The following NDST1 variants were observed in gnomAD, a reference collection of about 807,000 sequenced individuals.
The protein encoded by NDST1 is bifunctional heparan sulfate N-deacetylase/N-sulfotransferase 1.
Under a neutral mutation model 92.8 loss-of-function variants are expected in NDST1, and 35 were observed. The ratio of observed to expected loss-of-function variants is 0.38; its 90% CI spans 0.29 to 0.50. The LOEUF (loss-of-function observed/expected upper bound fraction) is 0.50, where lower values mean the gene tolerates loss of function less well. Ranked by LOEUF, NDST1 falls within the 20% of genes least tolerant of loss-of-function variation. The pLI, the probability that NDST1 is intolerant of heterozygous loss-of-function variation, is 0.94. For synonymous variants in NDST1, 493 were observed against 500.3 expected (o/e 0.99, Z 0.19); for missense variants, 822 against 1,182.7 (o/e 0.69, Z 4.47).
Position 150,542,749 on chromosome 5 carries a change from G to T in NDST1, c.1847-99G>T. ...CAGAGAAAGGCAGAGACCTTCCCAG[G>T]AGCCCCCAGTGGGTCGTGGGGAGCT... On this transcript the variant is annotated intron_variant, in intron 9 of 14. Transcript: ENST00000261797. The T allele has an allele frequency of 2.0e-6, 3 of 1,490,458 alleles. No individual in the cohort carries two copies. The Admixed American group carries it at 5.1e-5, about 25-fold the overall frequency. The allele number at this position is 1,490,458 out of a possible 1,614,324, so 92.3% of individuals were successfully genotyped here.
chr5:150,526,258 T>G (rs1000394061), intron 2 of NDST1, among the ~76,000 whole-genome samples: 2 of 152,226 alleles, frequency 1.3e-5, no homozygotes, highest in East Asian at 1.9e-4. Context: ...GTGTAGCATG[T>G]GCCACACTGA....
At position 150,548,373 on chromosome 5, in the gene NDST1, C is replaced by T. The variant is rs1214907881; in HGVS notation, c.2301C>T (p.Ala767=). ...YATHIERWLS[A]YHANQILVLD... Reference sequence around the variant, plus strand: ...CCCACATCGAGCGCTGGCTCAGTGCCTATCACGCCAACCAGGTAGCTGCTG... The same window carrying T: ...CCCACATCGAGCGCTGGCTCAGTGCTTATCACGCCAACCAGGTAGCTGCTG... The change falls in exon 12 of 15, where the codon GCC becomes GCT. Residue 767 remains alanine, a synonymous_variant. Coordinates refer to ENST00000261797, the MANE Select transcript of NDST1 (RefSeq NM_001543.5). 1.9e-6 allele frequency: 3 copies of T among 1,612,272 alleles called. No homozygotes were observed. The African/African-American group carries it at 4.0e-5, about 22-fold the overall frequency.
intron 7 of NDST1, chr5:150,539,652 A>G: frequency 2.0e-6 from 2 of 985,406 alleles, no homozygotes; most frequent in Non-Finnish European, 2.4e-6. Flanking sequence ...ATACACAGAT[A>G]CACACACATA....
chr5:150,505,844 G>C (rs1328534152), upstream of NDST1, among the ~76,000 whole-genome samples: 1 of 152,144 alleles, frequency 6.6e-6, no homozygotes, highest in Non-Finnish European at 1.5e-5. Flanking sequence ...CCATAGTGCA[G>C]TTGTAGCTCA....
rs1754551347 is a variant in NDST1 at position 150,528,093 on chromosome 5, A to G, written c.803A>G (p.Gln268Arg). 1 of 1,613,702 alleles carries G rather than the reference A, an allele frequency of 6.2e-7. No homozygotes were observed. Among genetic ancestry groups the G allele is most frequent in the Non-Finnish European group, 8.5e-7 (1 of 1,179,772 alleles). ...LHAALHATVV[Q>R]DLGLHDGIQR... ...GCTGCACTGCACGCCACTGTGGTCC[A>G]GGACCTGGGCCTGCACGACGGCATC... is the stretch of plus-strand genomic sequence containing the variant. Residue 268 changes from glutamine to arginine, a missense_variant, in exon 3 of 15, where the codon CAG (glutamine) becomes CGG (arginine). Gln to Arg is a conservative substitution (Grantham distance 43). Transcript: ENST00000261797.
chr5:150,558,177 G>A lies in NDST1; in HGVS notation c.*4845G>A, dbSNP rs11994. 0.34 allele frequency: 52,214 copies of A among 152,474 alleles called. 10,360 individuals carry two copies. The highest frequency in any genetic ancestry group is 0.42 in the South Asian group (2,030 of 4,824). 9.4% of individuals were successfully genotyped at this position (152,474 alleles called of 1,614,324 possible). ...CCTTCCTCCATTAATGTACAATCTC[G>A]AACTAACTGCTAATAAAGTGGGGTT... On this transcript the variant is annotated 3_prime_UTR_variant, in exon 15 of 15. Coordinates refer to ENST00000261797, the MANE Select transcript of NDST1 (RefSeq NM_001543.5).
chr5:150,517,027 ATTG>A (rs1383285999), intron 1 of NDST1, among the ~76,000 whole-genome samples: 1 of 141,934 alleles, frequency 7.0e-6, no homozygotes, highest in African/African-American at 2.7e-5. Context: ...GTATGGCTTT[ATTG>A]TTTAGATTTT....
intron 1 of NDST1, among the ~76,000 whole-genome samples, chr5:150,515,121 G>T (rs1753900183): frequency 1.3e-5 from 2 of 152,204 alleles, no homozygotes; most frequent in African/African-American, 2.4e-5. Flanking sequence ...GTGCACCCAG[G>T]GGCTGGGCAG....
chr5:150,513,656 C>T (rs1046421882), intron 1 of NDST1, among the ~76,000 whole-genome samples: 4 of 152,124 alleles, frequency 2.6e-5, no homozygotes, highest in African/African-American at 9.7e-5. Flanking sequence ...CACAATTCAC[C>T]ATGAAAGGCA....
chr5:150,530,452 A>C (rs1477430123), intron 3 of NDST1, among the ~76,000 whole-genome samples: 1 of 151,510 alleles, frequency 6.6e-6, no homozygotes, highest in African/African-American at 2.4e-5. Flanking sequence ...TTCTGGAGAG[A>C]CTGTGGTCCA....
At chr5:150,525,489 G>T (rs1390023678) in intron 2 of NDST1, among the ~76,000 whole-genome samples, 1 of 152,204 alleles carries the variant, frequency 6.6e-6, no homozygotes, top group Non-Finnish European at 1.5e-5. Context: ...CCTTGGTCAG[G>T]GCTGTCTTAG....
chr5:150,516,720 C>T (rs927316124), intron 1 of NDST1, among the ~76,000 whole-genome samples: 2 of 152,076 alleles, frequency 1.3e-5, no homozygotes, highest in African/African-American at 4.8e-5. Flanking sequence ...GGCTGGAGTA[C>T]GGTGATGTGA....
chr5:150,535,775 C>T lies in NDST1; in HGVS notation c.1327C>T (p.Leu443=). 1.2e-6 allele frequency: 2 copies of T among 1,614,216 alleles called. No individual in the cohort carries two copies. Among genetic ancestry groups the T allele is most frequent in the Non-Finnish European group, 1.7e-6 (2 of 1,180,048 alleles). The stretch of plus-strand genomic sequence containing the variant: ...GGGCGTGTACCCCGTGCACGTGCAG[C>T]TGTACGAGGCTTGGAAGCAGGTGTG... ...HSGVYPVHVQ[L]YEAWKQVWSI... Residue 443 remains leucine (L), a synonymous_variant, in exon 6 of 15, where the codon CTG becomes TTG. Transcript: ENST00000261797.
intron 7 of NDST1, 82 bp downstream of exon 7, chr5:150,539,438 C>T (rs1755143849): frequency 6.2e-7 from 1 of 1,607,874 alleles, no homozygotes; most frequent in African/African-American, 1.3e-5. Flanking sequence ...CTTCCTGGAG[C>T]CAGGAAAGGG....
intron 1 of NDST1, among the ~76,000 whole-genome samples, chr5:150,517,461 A>G (rs1223708288): frequency 6.6e-6 from 1 of 152,088 alleles, no homozygotes; most frequent in African/African-American, 2.4e-5. Flanking sequence ...ATTTGTTGCA[A>G]CAGATGACCC....
Position 150,539,275 on chromosome 5 carries a change from C to T in NDST1, c.1485C>T (p.Tyr495=). ...TCGLFTHTIF[Y]NEYPGGSSEL... The stretch of plus-strand genomic sequence containing the variant: ...GCCTCTTCACACACACCATCTTCTA[C>T]AACGAGTACCCTGGCGGCTCCAGTG... The change falls in exon 7 of 15, where the codon TAC becomes TAT. Residue 495 remains tyrosine (Y), a synonymous_variant. Transcript: ENST00000261797. 6.2e-7 allele frequency: 1 copy of T among 1,614,182 alleles called. No individual in the cohort carries two copies. Among genetic ancestry groups the T allele is most frequent in the South Asian group, 1.1e-5 (1 of 91,088 alleles).
At chr5:150,523,967 C>T (rs1439561763) in intron 2 of NDST1, among the ~76,000 whole-genome samples, 2 of 152,200 alleles carry the variant, frequency 1.3e-5, no homozygotes, top group Admixed American at 1.3e-4. Context: ...CATCTTTCCA[C>T]TCTTTCTGCA....
At position 150,520,045 on chromosome 5, in the gene NDST1, T is replaced by G. The variant is rs568783127; in HGVS notation, c.-387-823T>G. Among the ~76,000 whole-genome samples the G allele has an allele frequency of 1.5e-4, 23 of 152,230 alleles. No homozygotes were observed. In the South Asian group the frequency reaches 2.1e-3, roughly 14 times the overall value. On this transcript the variant is annotated intron_variant, in intron 1 of 14. Coordinates refer to ENST00000261797, the MANE Select transcript of NDST1 (RefSeq NM_001543.5). Reference sequence around the variant, plus strand: ...TCAGGAAGGCTATTTGGTCATCTGTTGTCCTGGGCTGCTGTGTGCACCTGT... The same window carrying G: ...TCAGGAAGGCTATTTGGTCATCTGTGGTCCTGGGCTGCTGTGTGCACCTGT...
At chr5:150,540,328 C>A in intron 8 of NDST1, 64 bp downstream of exon 8, 1 of 1,507,148 alleles carries the variant, frequency 6.6e-7, no homozygotes, top group Non-Finnish European at 9.0e-7. Context: ...CACAGGCACA[C>A]ACTCCAGATA....
Sources: allele counts gnomAD v4.1 joint callset (sites outside exome capture counted in the v4.1 genomes callset), GRCh38; gene constraint gnomAD v4.1.1; transcripts MANE v1.5; gene names NCBI Gene and HGNC (gene_info 2026-07-23, HGNC 2026-07-21).